Variants in PLCL1 observed in about 807,000 individuals in gnomAD.
PLCL1 encodes inactive phospholipase C-like protein 1.
PLCL1 carries 41 observed loss-of-function variants against 84.4 expected under a neutral mutation model. The ratio of observed to expected loss-of-function variants is 0.49; its 90% CI spans 0.38 to 0.63. PLCL1 has a LOEUF of 0.63. PLCL1 is among the 30% of genes least tolerant of loss of function. The pLI, the probability that PLCL1 is intolerant of heterozygous loss-of-function variation, is 0.00. For missense variants in PLCL1, 1,206 were observed against 1,367.8 expected (o/e 0.88, Z 1.87); for synonymous variants, 490 against 488.3 (o/e 1.00, Z -0.05).
At chr2:197,828,041 A>C (rs1025321535) in intron 1 of PLCL1, among the ~76,000 whole-genome samples, 3 of 152,124 alleles carry the variant, frequency 2.0e-5, no homozygotes, top group African/African-American at 7.2e-5. Flanking sequence ...TGATAACTTG[A>C]GATTGAATCA....
intron 5 of PLCL1, among the ~76,000 whole-genome samples, chr2:198,120,569 A>G (rs1335466324): frequency 6.6e-6 from 1 of 152,020 alleles, no homozygotes; most frequent in Non-Finnish European, 1.5e-5. Flanking sequence ...TAGAACATGT[A>G]AAGTTTGTTT....
intron 5 of PLCL1, among the ~76,000 whole-genome samples, chr2:198,106,299 A>G (rs1693472768): frequency 6.6e-6 from 1 of 151,954 alleles, no homozygotes; most frequent in Non-Finnish European, 1.5e-5. Flanking sequence ...AAGACATATT[A>G]CAAATGTCTA....
chr2:197,899,825 C>G (rs1437201250), intron 1 of PLCL1, among the ~76,000 whole-genome samples: 1 of 151,494 alleles, frequency 6.6e-6, no homozygotes, highest in Non-Finnish European at 1.5e-5. Context: ...TTAGTAGAGA[C>G]GGGGTTTCAC....
At chr2:197,903,788 C>T (rs1208593425) in intron 1 of PLCL1, among the ~76,000 whole-genome samples, 2 of 146,388 alleles carry the variant, frequency 1.4e-5, no homozygotes, top group Non-Finnish European at 3.0e-5. Context: ...CAGGCGTGAG[C>T]CACAGTGCCC....
chr2:198,069,754 T>C (rs1692418375), intron 1 of PLCL1, among the ~76,000 whole-genome samples: 1 of 152,222 alleles, frequency 6.6e-6, no homozygotes, highest in Non-Finnish European at 1.5e-5. Flanking sequence ...AGTAACATTT[T>C]GAGTGTAATA....
In PLCL1 at chr2:197,914,283, T is replaced by C. The variant is rs74899539; in HGVS notation, c.240+108944T>C. Among the ~76,000 whole-genome samples, 391 of 152,062 alleles carry C rather than the reference T, an allele frequency of 2.6e-3. 1 individual carries two copies. Among genetic ancestry groups the C allele is most frequent in the African/African-American group, 8.9e-3 (370 of 41,538 alleles). On this transcript the variant is annotated intron_variant, in intron 1 of 5. Coordinates refer to ENST00000428675, the MANE Select transcript of PLCL1 (RefSeq NM_006226.4). ...AAAAGTGAATATCTGATTTATATGG[T>C]AGTGAAAATATATAGGTCCTATTTG...
intron 1 of PLCL1, among the ~76,000 whole-genome samples, chr2:197,903,800 G>GC (rs1180596869): frequency 7.4e-5 from 10 of 134,326 alleles, no homozygotes; most frequent in Non-Finnish European, 1.4e-4. Flanking sequence ...ACAGTGCCCG[G>GC]CCTTTTTTTT....
intron 1 of PLCL1, among the ~76,000 whole-genome samples, chr2:197,818,766 T>C (rs560343733): frequency 6.6e-6 from 1 of 152,232 alleles, no homozygotes; most frequent in Admixed American, 6.5e-5. Flanking sequence ...GACTGGTGTC[T>C]TTCTGTCTCT....
intron 1 of PLCL1, among the ~76,000 whole-genome samples, chr2:198,020,804 C>A (rs890384865): frequency 6.6e-6 from 1 of 152,112 alleles, no homozygotes; most frequent in African/African-American, 2.4e-5. Context: ...TAGTGGGAGA[C>A]TTTAACATCC....
intron 1 of PLCL1, among the ~76,000 whole-genome samples, chr2:198,005,787 G>A (rs1289822480): frequency 1.3e-5 from 2 of 152,232 alleles, no homozygotes; most frequent in Non-Finnish European, 2.9e-5. Context: ...CAGGGAGGCC[G>A]TGGACAGCCG....
chr2:198,042,705 C>T lies in PLCL1; in HGVS notation c.241-41053C>T, dbSNP rs186275263. Among the ~76,000 whole-genome samples the T allele has an allele frequency of 3.1e-3, 478 of 152,276 alleles. 8 individuals are homozygous for T. Among genetic ancestry groups the T allele is most frequent in the Non-Finnish European group, 5.0e-4 (34 of 68,032 alleles). ...TGAGTTTGAGATTATGATGATGGAA[C>T]ATCCAAGTGGAAATATTACGTGCAT... On this transcript the variant is annotated intron_variant, in intron 1 of 5. Transcript: ENST00000428675.
intron 1 of PLCL1, among the ~76,000 whole-genome samples, chr2:197,867,201 T>G (rs2105700949): frequency 6.6e-6 from 1 of 152,296 alleles, no homozygotes; most frequent in East Asian, 1.9e-4. Flanking sequence ...CTTCTTTTAC[T>G]TTTGCATGTC....
At chr2:198,106,665 A>G (rs765998996) in intron 5 of PLCL1, among the ~76,000 whole-genome samples, 2 of 151,958 alleles carry the variant, frequency 1.3e-5, no homozygotes, top group African/African-American at 4.8e-5. Flanking sequence ...AGACTAGTCT[A>G]TAAGGAGAGA....
intron 1 of PLCL1, among the ~76,000 whole-genome samples, chr2:197,987,168 C>T (rs1196105451): frequency 1.3e-5 from 2 of 152,188 alleles, no homozygotes; most frequent in Non-Finnish European, 2.9e-5. Flanking sequence ...ACCAGAAACA[C>T]GTATCATCTA....
intron 5 of PLCL1, among the ~76,000 whole-genome samples, chr2:198,137,471 A>T (rs1455322653): frequency 6.6e-6 from 1 of 152,246 alleles, no homozygotes; most frequent in Non-Finnish European, 1.5e-5. Flanking sequence ...GAGAAAACGT[A>T]AGGAAAAATG....
At chr2:198,132,781 C>T (rs1218585618) in intron 5 of PLCL1, among the ~76,000 whole-genome samples, 4 of 151,872 alleles carry the variant, frequency 2.6e-5, no homozygotes, top group African/African-American at 7.3e-5. Context: ...TGTAGGTTGC[C>T]TGTTCACTCT....
intron 1 of PLCL1, among the ~76,000 whole-genome samples, chr2:197,847,051 A>G (rs986116542): frequency 2.6e-5 from 4 of 151,890 alleles, no homozygotes; most frequent in Admixed American, 6.6e-5. Flanking sequence ...TCAAAACAGA[A>G]CTCCAGTTTA....
At chr2:198,042,512 G>A (rs1691688575) in intron 1 of PLCL1, among the ~76,000 whole-genome samples, 1 of 152,178 alleles carries the variant, frequency 6.6e-6, no homozygotes, top group African/African-American at 2.4e-5. Context: ...GAATAGGAAG[G>A]AAGGCAGACA....
At chr2:198,145,024 G>C (rs530285681) in intron 5 of PLCL1, among the ~76,000 whole-genome samples, 23 of 152,248 alleles carry the variant, frequency 1.5e-4, no homozygotes, top group African/African-American at 5.5e-4. Context: ...TGAGAATAAT[G>C]AAAGTACCCA....
Sources: gnomAD v4.1 joint callset for allele counts (sites outside exome capture counted in the v4.1 genomes callset) on GRCh38, gnomAD v4.1.1 for gene constraint, MANE v1.5 for transcripts, NCBI Gene and HGNC (gene_info 2026-07-23, HGNC 2026-07-21) for gene names.